CDH18: variants seen among roughly 807,000 people sequenced by gnomAD.
CDH18 encodes the protein cadherin-18.
In CDH18, 31 loss-of-function variants were observed where a neutral mutation model predicts 67.9. The ratio of observed to expected loss-of-function variants is 0.46; its 90% confidence interval spans 0.34 to 0.62. CDH18 has a LOEUF of 0.62. Among genes scored for constraint, CDH18 ranks in the 20% least tolerant of loss-of-function variants. The pLI is 0.01. For synonymous variants in CDH18, 362 were observed against 347.2 expected (o/e 1.04, Z -0.48); for missense variants, 890 against 975.5 (o/e 0.91, Z 1.17).
chr5:20,159,165 C>G (rs978285970), intron 2 of CDH18, among the ~76,000 whole-genome samples: 3 of 152,062 alleles, frequency 2.0e-5, no homozygotes, highest in African/African-American at 7.2e-5. Context: ...TTTAGTTTGT[C>G]TGTTTTCCAC....
intron 7 of CDH18, among the ~76,000 whole-genome samples, chr5:19,573,457 T>C (rs1741802870): frequency 1.3e-5 from 2 of 152,236 alleles, no homozygotes; most frequent in South Asian, 4.1e-4. Context: ...TTTTTGTATT[T>C]TTAGTAGAGA....
At chr5:20,421,171 C>T (rs1476051925) in intron 1 of CDH18, among the ~76,000 whole-genome samples, 1 of 151,002 alleles carries the variant, frequency 6.6e-6, no homozygotes, top group Non-Finnish European at 1.5e-5. Flanking sequence ...GACACAGGAT[C>T]CCCTCTGTAG....
In CDH18 at chr5:19,489,249, T is replaced by C. The variant is rs1165420313; in HGVS notation, c.1631-5697A>G. ...CTGTTAGTGTTTGTTCTTTTTTTTT[T>C]CTTTTTTTTTTTTTTTGAGACTGAG... On this transcript the variant is annotated intron_variant, in intron 11 of 12. Transcript: ENST00000382275. 2.7e-3 allele frequency among the ~76,000 whole-genome samples: 393 copies of C among 146,808 alleles called. 1 individual carries two copies. Among genetic ancestry groups the C allele is most frequent in the African/African-American group, 9.6e-3 (368 of 38,472 alleles).
intron 11 of CDH18, among the ~76,000 whole-genome samples, chr5:19,500,746 G>A (rs996130037): frequency 4.6e-5 from 7 of 152,130 alleles, no homozygotes; most frequent in Non-Finnish European, 8.8e-5. Context: ...TCTTTTAAAA[G>A]CATGTACATA....
At chr5:19,813,998 A>G (rs1155040) in intron 3 of CDH18, among the ~76,000 whole-genome samples, 83,405 of 151,494 alleles carry the variant, frequency 0.55, 23,287 homozygotes, top group Middle Eastern at 0.67. Flanking sequence ...AGTATTATCC[A>G]GAAGACGTAA....
At chr5:19,960,707 A>G (rs1796776300) in intron 2 of CDH18, among the ~76,000 whole-genome samples, 1 of 120,294 alleles carries the variant, frequency 8.3e-6, no homozygotes, top group Admixed American at 7.6e-5. Flanking sequence ...ATATATGTAT[A>G]TATGTATACA....
chr5:19,581,060 T>A (rs902569170), intron 7 of CDH18, among the ~76,000 whole-genome samples: 2 of 151,940 alleles, frequency 1.3e-5, no homozygotes, highest in Admixed American at 6.6e-5. Flanking sequence ...GCTAAGAAAC[T>A]AAAATGCTAT....
intron 4 of CDH18, among the ~76,000 whole-genome samples, chr5:19,723,269 CA>C (rs1230051093): frequency 4.9e-4 from 68 of 138,438 alleles, no homozygotes; most frequent in East Asian, 4.2e-4. Context: ...AACTCTGTCT[CA>C]AAAAAAAAAA....
chr5:19,964,795 T>C (rs569432655), intron 2 of CDH18, among the ~76,000 whole-genome samples: 53 of 151,974 alleles, frequency 3.5e-4, no homozygotes, highest in African/African-American at 1.1e-3. Flanking sequence ...AAATCAGAAA[T>C]ACAAAACAAT....
chr5:20,325,218 A>T (rs1324933896), intron 1 of CDH18, among the ~76,000 whole-genome samples: 1 of 152,202 alleles, frequency 6.6e-6, no homozygotes, highest in African/African-American at 2.4e-5. Flanking sequence ...ATCTTTAATA[A>T]GTTTCCTTTG....
At chr5:19,828,589 C>G (rs755833531) in intron 3 of CDH18, among the ~76,000 whole-genome samples, 1 of 152,180 alleles carries the variant, frequency 6.6e-6, no homozygotes, top group Non-Finnish European at 1.5e-5. Flanking sequence ...TTCAACATTG[C>G]AAATCAATAA....
At chr5:19,621,473 C>T (rs1388293088) in intron 5 of CDH18, among the ~76,000 whole-genome samples, 1 of 152,036 alleles carries the variant, frequency 6.6e-6, no homozygotes, top group Non-Finnish European at 1.5e-5. Flanking sequence ...TGTCCACATC[C>T]AATAGAATTA....
intron 9 of CDH18, among the ~76,000 whole-genome samples, chr5:19,526,732 T>A (rs1747803688): frequency 6.6e-6 from 1 of 152,068 alleles, no homozygotes; most frequent in Non-Finnish European, 1.5e-5. Context: ...ATTTCTAATC[T>A]GATTATTCAT....
At chr5:19,852,861 G>A (rs930726056) in intron 2 of CDH18, among the ~76,000 whole-genome samples, 10 of 151,994 alleles carry the variant, frequency 6.6e-5, no homozygotes, top group Non-Finnish European at 2.9e-5. Context: ...ATAATCCAGA[G>A]CAACCGGTGG....
chr5:20,198,759 GTGATTTCCTGGGCC>G (rs1484313638), intron 2 of CDH18, among the ~76,000 whole-genome samples: 2 of 152,154 alleles, frequency 1.3e-5, no homozygotes, highest in African/African-American at 4.8e-5. Context: ...AGAGGAAAAA[GTGATTTCCTGGGCC>G]TGGCCCAGGG....
chr5:20,172,204 A>ACATG (rs1287178218), intron 2 of CDH18, among the ~76,000 whole-genome samples: 1 of 60,314 alleles, frequency 1.7e-5, no homozygotes, highest in African/African-American at 8.1e-5. Context: ...ATATATATAT[A>ACATG]TATATATATA....
chr5:19,789,546 G>A (rs1412715609), intron 3 of CDH18, among the ~76,000 whole-genome samples: 1 of 152,026 alleles, frequency 6.6e-6, no homozygotes, highest in Non-Finnish European at 1.5e-5. Flanking sequence ...ACATCTTATA[G>A]ACAAAACAAA....
intron 1 of CDH18, among the ~76,000 whole-genome samples, chr5:20,321,753 C>T (rs951745662): frequency 4.6e-5 from 7 of 151,918 alleles, no homozygotes; most frequent in African/African-American, 1.5e-4. Flanking sequence ...TAGCTATTGT[C>T]CCCTGTACAT....
intron 3 of CDH18, among the ~76,000 whole-genome samples, chr5:19,793,432 G>A (rs1164861059): frequency 3.3e-5 from 5 of 152,220 alleles, no homozygotes; most frequent in Non-Finnish European, 7.4e-5. Flanking sequence ...GCAAATATTT[G>A]TTGCCCCAGA....
Sources: gnomAD v4.1 joint callset for allele counts (sites outside exome capture counted in the v4.1 genomes callset) on GRCh38, gnomAD v4.1.1 for gene constraint, MANE v1.5 for transcripts, NCBI Gene and HGNC (gene_info 2026-07-23, HGNC 2026-07-21) for gene names.